CRADD: variants seen among roughly 807,000 people sequenced by gnomAD.
CRADD encodes the protein CARD and death domain containing adaptor protein.
Under a neutral mutation model 15.5 loss-of-function variants are expected in CRADD, and 9 were observed. That is an observed-to-expected ratio of 0.58 (90% CI 0.35 to 1.01). The LOEUF is 1.01. CRADD is among the 50% of genes least tolerant of loss of function. The pLI is 0.02. For missense variants in CRADD, 227 were observed against 250.3 expected, an observed-to-expected ratio of 0.91 and a Z score of 0.63; for synonymous variants, 118 against 107.6, an observed-to-expected ratio of 1.10 and a Z score of -0.60.
chr12:93,847,136 G>C (rs1278719132), intron 2 of CRADD, among the ~76,000 whole-genome samples: 1 of 152,096 alleles, frequency 6.6e-6, no homozygotes, highest in Admixed American at 6.5e-5. Context: ...ATATCTGAAA[G>C]TGCAGATGTA....
chr12:93,747,868 A>G (rs1223839772), intron 2 of CRADD, among the ~76,000 whole-genome samples: 1 of 152,182 alleles, frequency 6.6e-6, no homozygotes, highest in Non-Finnish European at 1.5e-5. Flanking sequence ...GACTACCTGT[A>G]AAGACACTGG....
At chr12:93,780,430 A>G (rs561859453) in intron 2 of CRADD, among the ~76,000 whole-genome samples, 74 of 152,346 alleles carry the variant, frequency 4.9e-4, no homozygotes, top group Non-Finnish European at 9.3e-4. Context: ...TACAGATGAG[A>G]AAACCGAGGC....
intron 2 of CRADD, among the ~76,000 whole-genome samples, chr12:93,713,368 TC>T (rs943949244): frequency 1.3e-5 from 2 of 152,140 alleles, no homozygotes; most frequent in Non-Finnish European, 2.9e-5. Flanking sequence ...AAAATGTGAC[TC>T]CTGTAAGTTG....
intron 2 of CRADD, among the ~76,000 whole-genome samples, chr12:93,770,796 T>C (rs1303564780): frequency 5.9e-5 from 9 of 152,230 alleles, no homozygotes; most frequent in Non-Finnish European, 1.3e-4. Context: ...ATGAAAAGAT[T>C]AGAACAGCTT....
intron 2 of CRADD, among the ~76,000 whole-genome samples, chr12:93,687,938 G>C (rs1384617750): frequency 1.3e-5 from 2 of 152,156 alleles, no homozygotes; most frequent in Admixed American, 1.3e-4. Context: ...TTGAATTTGG[G>C]AATTATTTTT....
At chr12:93,722,439 C>A (rs1250251942) in intron 2 of CRADD, among the ~76,000 whole-genome samples, 1 of 151,666 alleles carries the variant, frequency 6.6e-6, no homozygotes, top group Non-Finnish European at 1.5e-5. Flanking sequence ...TTTTCTGTTT[C>A]TTTCTTTTTC....
intron 2 of CRADD, among the ~76,000 whole-genome samples, chr12:93,764,733 GT>G (rs3030258): frequency 0.015 from 2,261 of 147,088 alleles, 29 homozygotes; most frequent in Middle Eastern, 0.043. Context: ...CATATTTTTG[GT>G]TTTTTTTTTT....
rs1283022194 is a variant in CRADD, at chr12:93,706,017, AAT to A, written c.298+26948_298+26949del. ...TCATTAAATATTCTCATCAGAAGTT[AAT>A]ATGTTTTTCTTCTCTTATTCTGGAC... is the stretch of plus-strand genomic sequence containing the variant. On this transcript the variant is annotated intron_variant, in intron 2 of 2. Coordinates refer to ENST00000332896, the MANE Select transcript of CRADD (RefSeq NM_003805.5). Among the ~76,000 whole-genome samples, 3 of 152,296 alleles carry A rather than the reference AAT, an allele frequency of 2.0e-5. No homozygotes were observed. In the East Asian group the frequency reaches 5.8e-4, roughly 29 times the overall value.
At chr12:93,791,988 G>A (rs1345662025) in intron 2 of CRADD, among the ~76,000 whole-genome samples, 1 of 139,578 alleles carries the variant, frequency 7.2e-6, no homozygotes, top group Non-Finnish European at 1.5e-5. Context: ...TTAACTTTTT[G>A]TTGATCTGCC....
At chr12:93,829,496 C>T (rs1957865403) in intron 2 of CRADD, among the ~76,000 whole-genome samples, 1 of 152,138 alleles carries the variant, frequency 6.6e-6, no homozygotes. Flanking sequence ...AGCAAAGCTA[C>T]AAATCTGGAA....
chr12:93,700,830 T>C (rs766960761), intron 2 of CRADD, among the ~76,000 whole-genome samples: 2 of 152,168 alleles, frequency 1.3e-5, no homozygotes, highest in Non-Finnish European at 2.9e-5. Context: ...TACTTCTCTC[T>C]TTGCCACGTT....
intron 2 of CRADD, among the ~76,000 whole-genome samples, chr12:93,748,210 A>G (rs1956785456): frequency 6.6e-6 from 1 of 152,224 alleles, no homozygotes; most frequent in Admixed American, 6.5e-5. Context: ...CGCACCTTCC[A>G]GAAATCCTTT....
intron 2 of CRADD, among the ~76,000 whole-genome samples, chr12:93,789,456 C>T (rs187704650): frequency 1.1e-3 from 160 of 152,244 alleles, no homozygotes; most frequent in Admixed American, 2.9e-3. Flanking sequence ...TTAGAAGAGC[C>T]AGGGGATGAC....
intron 2 of CRADD, among the ~76,000 whole-genome samples, chr12:93,805,784 C>T (rs981947107): frequency 7.2e-5 from 11 of 152,062 alleles, no homozygotes; most frequent in African/African-American, 2.7e-4. Context: ...GCCTGCTTGT[C>T]GGCCATGGAA....
intron 2 of CRADD, among the ~76,000 whole-genome samples, chr12:93,857,739 A>C (rs1027848750): frequency 6.6e-6 from 1 of 152,208 alleles, no homozygotes; most frequent in African/African-American, 2.4e-5. Flanking sequence ...TTCGGAGATC[A>C]CATGGCAAGA....
chr12:93,747,585 C>T (rs769448457), intron 2 of CRADD, among the ~76,000 whole-genome samples: 38 of 152,142 alleles, frequency 2.5e-4, no homozygotes, highest in Non-Finnish European at 5.1e-4. Context: ...TCTCCTGCCT[C>T]AGCCTCCCAA....
At chr12:93,796,392 G>A (rs1013264078) in intron 2 of CRADD, among the ~76,000 whole-genome samples, 8 of 152,004 alleles carry the variant, frequency 5.3e-5, no homozygotes, top group Non-Finnish European at 7.4e-5. Context: ...ATCACTTGAG[G>A]TCAGGAATTC....
chr12:93,789,813 A>G (rs1957328614), intron 2 of CRADD, among the ~76,000 whole-genome samples: 1 of 152,192 alleles, frequency 6.6e-6, no homozygotes, highest in Non-Finnish European at 1.5e-5. Context: ...AAGAAGGGAA[A>G]ATTTGGAAAG....
chr12:93,805,207 C>G (rs1370663037), intron 2 of CRADD, among the ~76,000 whole-genome samples: 2 of 151,940 alleles, frequency 1.3e-5, no homozygotes, highest in Non-Finnish European at 2.9e-5. Flanking sequence ...AGGTTTCTCT[C>G]TCTTACTCTA....
Sources: gnomAD v4.1 joint callset for allele counts (sites outside exome capture counted in the v4.1 genomes callset) on GRCh38, gnomAD v4.1.1 for gene constraint, MANE v1.5 for transcripts, NCBI Gene and HGNC (gene_info 2026-07-23, HGNC 2026-07-21) for gene names.